The following LHFPL6 variants were observed in gnomAD, a reference collection of about 807,000 sequenced individuals.
LHFPL6 encodes the protein LHFPL tetraspan subfamily member 6, also known as LHFPL tetraspan subfamily member 6 protein.
In LHFPL6, 9 loss-of-function variants were observed where a neutral mutation model predicts 20.6. That is an observed-to-expected ratio of 0.44 (90% CI 0.26 to 0.76). The LOEUF (loss-of-function observed/expected upper bound fraction) is 0.76. Ranked by LOEUF, LHFPL6 falls within the 30% of genes least tolerant of loss-of-function variation. The pLI is 0.20. For synonymous variants in LHFPL6, 105 were observed against 98.7 expected, an observed-to-expected ratio of 1.06 and a Z score of -0.38; for missense variants, 218 against 253.5, an observed-to-expected ratio of 0.86 and a Z score of 0.95.
chr13:39,490,849 C>T (rs973075722), intron 2 of LHFPL6, among the ~76,000 whole-genome samples: 1 of 152,106 alleles, frequency 6.6e-6, no homozygotes, highest in African/African-American at 2.4e-5. Flanking sequence ...ATTTAATGAA[C>T]CCTGATTTTC....
chr13:39,350,759 A>G (rs1488595256), intron 3 of LHFPL6, among the ~76,000 whole-genome samples: 1 of 152,238 alleles, frequency 6.6e-6, no homozygotes, highest in African/African-American at 2.4e-5. Flanking sequence ...CAGATAAAAT[A>G]GAGGTTAATG....
rs188704555 is a variant in LHFPL6 at position 39,440,051 on chromosome 13, G to A, written c.386-61525C>T. Among the ~76,000 whole-genome samples the A allele has an allele frequency of 5.9e-5, 9 of 152,292 alleles. No individual in the cohort carries two copies. In the East Asian group the frequency reaches 1.7e-3, roughly 29 times the overall value. ...TAAGTTTAATCAGTTAATACACAGA[G>A]CCTGAATGGTGAAGTATGTATTAGA... On this transcript the variant is annotated intron_variant, in intron 2 of 3. Transcript: ENST00000379589.
At chr13:39,473,176 T>A (rs1011047618) in intron 2 of LHFPL6, among the ~76,000 whole-genome samples, 1 of 151,636 alleles carries the variant, frequency 6.6e-6, no homozygotes, top group African/African-American at 2.4e-5. Flanking sequence ...GAGGCCTCCT[T>A]TTAAGTGAGA....
At chr13:39,531,197 A>C (rs778629609) in intron 2 of LHFPL6, among the ~76,000 whole-genome samples, 11 of 152,236 alleles carry the variant, frequency 7.2e-5, no homozygotes, top group South Asian at 2.1e-4. Context: ...AGTAAGTATT[A>C]AAAGCAATCT....
intron 2 of LHFPL6, among the ~76,000 whole-genome samples, chr13:39,529,410 C>G (rs1405762806): frequency 6.6e-6 from 1 of 152,090 alleles, no homozygotes; most frequent in Admixed American, 6.6e-5. Flanking sequence ...TTATTTCTAT[C>G]TAAATATATT....
chr13:39,477,555 T>C (rs1873115616), intron 2 of LHFPL6, among the ~76,000 whole-genome samples: 1 of 152,186 alleles, frequency 6.6e-6, no homozygotes, highest in African/African-American at 2.4e-5. Context: ...TTAGATACTG[T>C]CAAGGAGAAG....
At position 39,424,448 on chromosome 13, in the gene LHFPL6, C is replaced by A. The variant is rs1333748145; in HGVS notation, c.386-45922G>T. On this transcript the variant is annotated intron_variant, in intron 2 of 3. Transcript: ENST00000379589. ...TATTGAATAAAGCTGTCAGCAACTG[C>A]GCCAGGAGCTCAGCCTCGTATGGTT... Among the ~76,000 whole-genome samples, 4 of 152,122 alleles carry A rather than the reference C, an allele frequency of 2.6e-5. No individual in the cohort carries two copies. In the South Asian group the frequency reaches 6.2e-4, roughly 24 times the overall value.
chr13:39,352,910 T>C (rs1458742024), intron 3 of LHFPL6, among the ~76,000 whole-genome samples: 15 of 32,560 alleles, frequency 4.6e-4, no homozygotes, highest in South Asian at 1.1e-3. Context: ...TATATATAAA[T>C]GTATATATAT....
intron 2 of LHFPL6, among the ~76,000 whole-genome samples, chr13:39,408,633 TC>T (rs1380840462): frequency 6.6e-6 from 1 of 152,262 alleles, no homozygotes; most frequent in Non-Finnish European, 1.5e-5. Context: ...AAACACTTAT[TC>T]CTTATTGTTG....
At chr13:39,387,553 A>C (rs1279776265) in intron 2 of LHFPL6, among the ~76,000 whole-genome samples, 1 of 124,368 alleles carries the variant, frequency 8.0e-6, no homozygotes, top group Non-Finnish European at 1.8e-5. Context: ...CTCACAAAAA[A>C]AAAAAAAAAA....
intron 2 of LHFPL6, among the ~76,000 whole-genome samples, chr13:39,562,310 A>G (rs990497103): frequency 2.6e-5 from 4 of 151,170 alleles, no homozygotes; most frequent in Non-Finnish European, 5.9e-5. Context: ...TTCCAGTGTG[A>G]GAAGAACCAT....
intron 2 of LHFPL6, among the ~76,000 whole-genome samples, chr13:39,455,090 T>C (rs1484989413): frequency 1.3e-5 from 2 of 152,146 alleles, no homozygotes. Context: ...AATCTGCTTG[T>C]ACATGGGTCA....
At chr13:39,455,377 G>A (rs573457704) in intron 2 of LHFPL6, among the ~76,000 whole-genome samples, 26 of 152,280 alleles carry the variant, frequency 1.7e-4, no homozygotes, top group East Asian at 5.8e-4. Flanking sequence ...TGAAATAACG[G>A]AATATAAAGG....
rs1330337899 is a variant in LHFPL6 at position 39,352,942 on chromosome 13, T to C, written c.485-8888A>G. ...ATATATAAATGTATATATATGTGTG[T>C]ATATATATATACATACATACACACA... On this transcript the variant is annotated intron_variant, in intron 3 of 3. Coordinates refer to ENST00000379589, the MANE Select transcript of LHFPL6 (RefSeq NM_005780.3). Among the ~76,000 whole-genome samples, 395 of 104,750 alleles carry C rather than the reference T, an allele frequency of 3.8e-3. 6 individuals carry two copies. The highest frequency in any genetic ancestry group is 9.2e-3 in the Middle Eastern group (2 of 218). 68.7% of individuals were successfully genotyped at this position (104,750 alleles called of 152,430 possible). A position where few individuals can be genotyped will look rare whatever the true frequency, so the allele number is the denominator to read the frequency against.
chr13:39,491,719 C>T (rs997626415), intron 2 of LHFPL6, among the ~76,000 whole-genome samples: 14 of 152,290 alleles, frequency 9.2e-5, no homozygotes, highest in Non-Finnish European at 2.1e-4. Flanking sequence ...CAAATTTCTG[C>T]AATGTGAGCC....
intron 2 of LHFPL6, among the ~76,000 whole-genome samples, chr13:39,452,847 CT>C (rs1229422414): frequency 1.3e-5 from 2 of 152,170 alleles, no homozygotes; most frequent in Non-Finnish European, 2.9e-5. Context: ...GTCTTTTTCC[CT>C]TTATAATGCT....
intron 2 of LHFPL6, among the ~76,000 whole-genome samples, chr13:39,440,389 G>A (rs1872084939): frequency 6.6e-6 from 1 of 152,126 alleles, no homozygotes; most frequent in Non-Finnish European, 1.5e-5. Context: ...AGCCCTCTGG[G>A]AGGCCAAGAT....
intron 2 of LHFPL6, among the ~76,000 whole-genome samples, chr13:39,530,247 CAAAAAAAAAAAAAAGTATT>C (rs1378945888): frequency 9.8e-6 from 1 of 102,134 alleles, no homozygotes; most frequent in African/African-American, 3.7e-5. Flanking sequence ...GACCTTGTTT[CAAAAAAAAAAAAAAGTATT>C]AAAAAAAAAA....
At chr13:39,555,401 T>A (rs1274079660) in intron 2 of LHFPL6, among the ~76,000 whole-genome samples, 1 of 151,838 alleles carries the variant, frequency 6.6e-6, no homozygotes, top group African/African-American at 2.4e-5. Context: ...GCGATAGCGC[T>A]TTCTTTTAGG....
Sources: allele counts gnomAD v4.1 joint callset (sites outside exome capture counted in the v4.1 genomes callset), GRCh38; gene constraint gnomAD v4.1.1; transcripts MANE v1.5; gene names NCBI Gene and HGNC (gene_info 2026-07-23, HGNC 2026-07-21).